The following NBAS variants were observed in gnomAD, a reference collection of about 807,000 sequenced individuals.
NBAS encodes the protein NAG/BC035112 fusion.
In NBAS, 219 loss-of-function variants were observed where a neutral mutation model predicts 302.5. That is an observed-to-expected ratio of 0.72 (90% CI 0.65 to 0.81). NBAS has a LOEUF of 0.81. Ranked by LOEUF, NBAS falls within the 30% of genes least tolerant of loss-of-function variation. NBAS has a pLI of 0.00. For synonymous variants in NBAS, 1,118 were observed against 1,021.6 expected, an observed-to-expected ratio of 1.09 and a Z score of -1.80; for missense variants, 2,932 against 2,841.6, an observed-to-expected ratio of 1.03 and a Z score of -0.72.
At chr2:15,490,605 T>C (rs6752546) in intron 11 of NBAS, among the ~76,000 whole-genome samples, 97,117 of 152,038 alleles carry the variant, frequency 0.64, 31,749 homozygotes, top group Middle Eastern at 0.68. Context: ...AAGCACAGAT[T>C]TTTACCAGCC....
At chr2:14,779,830 T>C in the NBAS span, among the ~76,000 whole-genome samples, 1 of 152,222 alleles carries the variant, frequency 6.6e-6, no homozygotes, top group African/African-American at 2.4e-5. Flanking sequence ...CAAGAGTTTA[T>C]TGTATACAGT....
the NBAS span, among the ~76,000 whole-genome samples, chr2:15,105,459 CAA>C: frequency 7.2e-6 from 1 of 138,852 alleles, no homozygotes; most frequent in Admixed American, 7.2e-5. Flanking sequence ...TGACTACTTA[CAA>C]AAAAAAAAAG....
At chr2:15,020,002 C>T in the NBAS span, among the ~76,000 whole-genome samples, 4 of 152,216 alleles carry the variant, frequency 2.6e-5, no homozygotes, top group Non-Finnish European at 5.9e-5. Context: ...TAACAGTTAT[C>T]TCCCCATTTT....
At chr2:15,363,325 G>T (rs1310634002) in intron 32 of NBAS, among the ~76,000 whole-genome samples, 1 of 152,260 alleles carries the variant, frequency 6.6e-6, no homozygotes, top group South Asian at 2.1e-4. Flanking sequence ...AACAGACCAG[G>T]TATCTAAACT....
intron 25 of NBAS, among the ~76,000 whole-genome samples, chr2:15,413,429 T>C (rs1676776740): frequency 6.6e-6 from 1 of 152,112 alleles, no homozygotes; most frequent in East Asian, 1.9e-4. Context: ...ATAAGAGCTA[T>C]AATAGAGACA....
the NBAS span, among the ~76,000 whole-genome samples, chr2:14,783,266 C>T: frequency 2.0e-5 from 3 of 152,148 alleles, no homozygotes; most frequent in South Asian, 6.2e-4. Flanking sequence ...AACTATTCAG[C>T]CTAGTCAGAT....
In NBAS at chr2:15,561,169, G is replaced by T. The variant is rs1293968219; in HGVS notation, c.117+19C>A. The T allele has an allele frequency of 6.2e-7, 1 of 1,608,970 alleles. No individual in the cohort carries two copies. Among genetic ancestry groups the T allele is most frequent in the East Asian group, 2.2e-5 (1 of 44,822 alleles). On this transcript the variant is annotated intron_variant, in intron 1 of 51. Coordinates refer to ENST00000281513, the MANE Select transcript of NBAS (RefSeq NM_015909.4). ...CGCCCGCGCCAAGCTGGCTGCTGCT[G>T]TAGATGGGCCTGGTTCACCTGTACT...
chr2:15,370,910 T>C (rs1297023868), intron 31 of NBAS, among the ~76,000 whole-genome samples: 1 of 152,172 alleles, frequency 6.6e-6, no homozygotes, highest in Admixed American at 6.5e-5. Flanking sequence ...AGTTAAGACT[T>C]TGGGGGACTG....
the NBAS span, among the ~76,000 whole-genome samples, chr2:14,993,868 T>A: frequency 6.6e-6 from 1 of 152,152 alleles, no homozygotes; most frequent in African/African-American, 2.4e-5. Context: ...CCAATAAATA[T>A]CTATTGAACA....
chr2:14,917,737 C>A, the NBAS span, among the ~76,000 whole-genome samples: 23 of 152,270 alleles, frequency 1.5e-4, no homozygotes, highest in East Asian at 4.4e-3. Context: ...CAAGGAATGG[C>A]CTCTTGCAAA....
rs773119479 is a variant in NBAS, at chr2:15,511,310, T to C, written c.787A>G (p.Met263Val). The change falls in exon 10 of 52, where the codon ATG becomes GTG. Residue 263 changes from methionine to valine, a missense_variant. Physicochemically the swap from Met to Val is conservative, Grantham distance 21. Transcript: ENST00000281513. ...AGGCCACAGCTAGAAGCTTTTGACA[T>C]GCCTACTTCAGCAGTTTCACATCCA... The part of the protein sequence containing the change: ...VGGCETAEVG[M>V]SKASSCGLSA... 6.2e-7 allele frequency: 1 copy of C among 1,614,074 alleles called. No individual in the cohort carries two copies. The highest frequency in any genetic ancestry group is 8.5e-7 in the Non-Finnish European group (1 of 1,179,988).
chr2:15,427,104 G>T (rs1472133722), intron 22 of NBAS, among the ~76,000 whole-genome samples: 1 of 152,032 alleles, frequency 6.6e-6, no homozygotes, highest in Non-Finnish European at 1.5e-5. Context: ...GTAATCTGAA[G>T]GTTTTCTAGC....
At chr2:14,842,861 A>AAC in the NBAS span, among the ~76,000 whole-genome samples, 4,300 of 145,926 alleles carry the variant, frequency 0.029, 219 homozygotes, top group African/African-American at 0.1. Flanking sequence ...AAAAAAAAAA[A>AAC]AAACATATAC....
chr2:14,868,895 A>G, the NBAS span, among the ~76,000 whole-genome samples: 1 of 152,216 alleles, frequency 6.6e-6, no homozygotes, highest in African/African-American at 2.4e-5. Flanking sequence ...CATGAGCCAG[A>G]CTGAGCCCAA....
chr2:15,089,851 C>T, the NBAS span, among the ~76,000 whole-genome samples: 1 of 148,666 alleles, frequency 6.7e-6, no homozygotes, highest in African/African-American at 2.5e-5. Flanking sequence ...CAGGTTCCAG[C>T]GATTCTCCTG....
At chr2:15,151,605 T>C in the NBAS span, among the ~76,000 whole-genome samples, 1 of 152,250 alleles carries the variant, frequency 6.6e-6, no homozygotes, top group South Asian at 2.1e-4. Flanking sequence ...CTGTGTGTGA[T>C]AGTTAACTTA....
chr2:14,934,070 C>G, the NBAS span, among the ~76,000 whole-genome samples: 1 of 152,180 alleles, frequency 6.6e-6, no homozygotes, highest in Admixed American at 6.5e-5. Flanking sequence ...AATTGAAATC[C>G]TAAGATCCAG....
intron 27 of NBAS, 84 bp from the exon 28 acceptor site, chr2:15,394,433 G>A (rs1675766692): frequency 6.9e-7 from 1 of 1,453,740 alleles, no homozygotes; most frequent in Non-Finnish European, 9.5e-7. Flanking sequence ...TAGCCCTTCA[G>A]TGTTTAGTAT....
chr2:15,491,756 A>G (rs1039918355), intron 11 of NBAS, among the ~76,000 whole-genome samples: 1 of 151,974 alleles, frequency 6.6e-6, no homozygotes, highest in Admixed American at 6.6e-5. Context: ...AAAAAAAAAG[A>G]AAAAGAAAAA....
Sources: allele counts gnomAD v4.1 joint callset (sites outside exome capture counted in the v4.1 genomes callset), GRCh38; gene constraint gnomAD v4.1.1; transcripts MANE v1.5; gene names NCBI Gene and HGNC (gene_info 2026-07-23, HGNC 2026-07-21).